NCALD: variants seen among roughly 807,000 people sequenced by gnomAD.
NCALD encodes the protein neurocalcin delta.
NCALD carries 10 observed loss-of-function variants against 18.6 expected under a neutral mutation model. The ratio of observed to expected loss-of-function variants is 0.54; its 90% CI spans 0.33 to 0.91. The LOEUF (loss-of-function observed/expected upper bound fraction) is 0.91, where lower values mean the gene tolerates loss of function less well. Ranked by LOEUF, NCALD falls within the 40% of genes least tolerant of loss-of-function variation. The pLI, the probability that NCALD is intolerant of heterozygous loss-of-function variation, is 0.03. For synonymous variants in NCALD, 88 were observed against 87.4 expected (o/e 1.01, Z -0.04); for missense variants, 184 against 247.6 (o/e 0.74, Z 1.72).
intron 2 of NCALD, among the ~76,000 whole-genome samples, chr8:101,979,399 C>T (rs1259334955): frequency 6.6e-6 from 1 of 152,170 alleles, no homozygotes; most frequent in African/African-American, 2.4e-5. Flanking sequence ...ACAAAGACAA[C>T]GTTCCTACTC....
chr8:102,026,544 C>T lies in NCALD; in HGVS notation c.-209-6255G>A, dbSNP rs910159518. Among the ~76,000 whole-genome samples, 4 of 152,236 alleles carry T rather than the reference C, an allele frequency of 2.6e-5. No homozygotes were observed. The East Asian group carries it at 5.8e-4, about 22-fold the overall frequency. ...AGGTCATGCTGATGCAAGAGGTGGG[C>T]TCCCATGGCCTTGGACAGCTCCACA... On this transcript the variant is annotated intron_variant, in intron 1 of 6. Transcript: ENST00000311028.
At chr8:102,069,797 T>C (rs1486735180) in intron 1 of NCALD, among the ~76,000 whole-genome samples, 1 of 152,074 alleles carries the variant, frequency 6.6e-6, no homozygotes, top group African/African-American at 2.4e-5. Flanking sequence ...ACAGGATATA[T>C]AATATTTTTT....
chr8:101,874,361 C>T (rs1816142180), intron 4 of NCALD, among the ~76,000 whole-genome samples: 1 of 152,002 alleles, frequency 6.6e-6, no homozygotes, highest in Admixed American at 6.6e-5. Context: ...TGCAAATCAC[C>T]TATGTCTAAA....
At chr8:101,912,656 T>C (rs771190792) in intron 3 of NCALD, among the ~76,000 whole-genome samples, 41 of 152,234 alleles carry the variant, frequency 2.7e-4, no homozygotes, top group South Asian at 1.0e-3. Context: ...AGTTTGCTCA[T>C]CTGTGGTGGA....
At chr8:101,951,693 AAATG>A (rs1225019254) in intron 2 of NCALD, among the ~76,000 whole-genome samples, 1 of 152,238 alleles carries the variant, frequency 6.6e-6, no homozygotes. Flanking sequence ...ACAAATAAAT[AAATG>A]GTCTTAAGTC....
chr8:101,913,179 G>A (rs1260824752), intron 3 of NCALD, among the ~76,000 whole-genome samples: 1 of 152,130 alleles, frequency 6.6e-6, no homozygotes, highest in Admixed American at 6.6e-5. Context: ...CCAAGAAGAT[G>A]GAACACAATA....
Position 101,719,192 on chromosome 8 carries a change from C to T in NCALD, c.378+60G>A, listed in dbSNP as rs528569342. On this transcript the variant is annotated intron_variant, in intron 2 of 3. Coordinates refer to ENST00000220931, the MANE Select transcript of NCALD (RefSeq NM_032041.3). ...CCTCTGCACCGTGCTATACTGTGCA[C>T]CTTCCAATTCTTACTTGAGATACAT... 82 of 1,568,814 alleles carry T rather than the reference C, an allele frequency of 5.2e-5. 1 individual carries two copies. In the South Asian group the frequency reaches 9.9e-4, roughly 19 times the overall value.
At chr8:102,108,155 C>T (rs1412840764) in intron 1 of NCALD, among the ~76,000 whole-genome samples, 1 of 152,226 alleles carries the variant, frequency 6.6e-6, no homozygotes, top group East Asian at 1.9e-4. Context: ...ACTGCCTGTG[C>T]TCTTAGCTTT....
intron 4 of NCALD, among the ~76,000 whole-genome samples, chr8:101,844,754 T>C: frequency 6.6e-6 from 1 of 152,314 alleles, no homozygotes; most frequent in Middle Eastern, 3.4e-3. Context: ...ATTCAGCTAG[T>C]GGCCAGAGAG....
intron 2 of NCALD, among the ~76,000 whole-genome samples, chr8:101,714,112 G>A (rs150771756): frequency 0.026 from 3,885 of 152,206 alleles, 132 homozygotes; most frequent in African/African-American, 0.077. Flanking sequence ...CACCATTCCT[G>A]TTCAACATAG....
At chr8:102,049,325 C>A (rs1042482274) in intron 1 of NCALD, among the ~76,000 whole-genome samples, 1 of 152,210 alleles carries the variant, frequency 6.6e-6, no homozygotes, top group African/African-American at 2.4e-5. Flanking sequence ...TATCGAGGGA[C>A]AGTGGTACGC....
chr8:101,899,859 G>T (rs1290915366), intron 3 of NCALD, among the ~76,000 whole-genome samples: 1 of 151,618 alleles, frequency 6.6e-6, no homozygotes, highest in African/African-American at 2.4e-5. Flanking sequence ...TCTAGTTTTG[G>T]TATCAAAATA....
At chr8:102,027,214 C>G (rs1822489710) in intron 1 of NCALD, among the ~76,000 whole-genome samples, 1 of 152,356 alleles carries the variant, frequency 6.6e-6, no homozygotes, top group Admixed American at 6.5e-5. Context: ...ATTTCTGCAG[C>G]AGCCTTGAAT....
intron 1 of NCALD, among the ~76,000 whole-genome samples, chr8:101,766,779 A>G (rs1245060345): frequency 2.0e-5 from 3 of 152,222 alleles, no homozygotes; most frequent in Middle Eastern, 3.4e-3. Context: ...GGGTATCATC[A>G]TGTTGGCCAG....
chr8:101,714,147 T>A (rs998789151), intron 2 of NCALD, among the ~76,000 whole-genome samples: 1 of 152,098 alleles, frequency 6.6e-6, no homozygotes, highest in Admixed American at 6.6e-5. Flanking sequence ...GCCAGGGCAA[T>A]CAGGAAAGAG....
chr8:101,723,656 A>G (rs181917545), intron 1 of NCALD, among the ~76,000 whole-genome samples: 29 of 152,348 alleles, frequency 1.9e-4, no homozygotes, highest in Non-Finnish European at 4.1e-4. Context: ...ATATTAGTTC[A>G]ATATTTCTAC....
intron 1 of NCALD, among the ~76,000 whole-genome samples, chr8:101,754,381 G>T (rs1563733800): frequency 6.6e-6 from 1 of 152,040 alleles, no homozygotes; most frequent in Non-Finnish European, 1.5e-5. Flanking sequence ...CATAAACTGG[G>T]GAACTTACAA....
At chr8:101,889,108 T>C (rs1325679374) in intron 3 of NCALD, among the ~76,000 whole-genome samples, 1 of 152,246 alleles carries the variant, frequency 6.6e-6, no homozygotes, top group Non-Finnish European at 1.5e-5. Context: ...TCACTTTTTG[T>C]TCTTTGCCCT....
chr8:101,993,702 T>C (rs2131993930), intron 2 of NCALD, among the ~76,000 whole-genome samples: 1 of 152,320 alleles, frequency 6.6e-6, no homozygotes, highest in South Asian at 2.1e-4. Flanking sequence ...GACTCTCCAT[T>C]GTGTTTGGGA....
Sources: allele counts gnomAD v4.1 joint callset (sites outside exome capture counted in the v4.1 genomes callset), GRCh38; gene constraint gnomAD v4.1.1; transcripts MANE v1.5; gene names NCBI Gene and HGNC (gene_info 2026-07-23, HGNC 2026-07-21).